Variants in KIAA0825 observed in about 807,000 individuals in gnomAD.
KIAA0825 encodes KIAA0825.
KIAA0825 carries 119 observed loss-of-function variants against 147.6 expected under a neutral mutation model. That is an observed-to-expected ratio of 0.81 (90% CI 0.69 to 0.94). The LOEUF (loss-of-function observed/expected upper bound fraction) is 0.94, where lower values mean the gene tolerates loss of function less well. KIAA0825 is among the 40% of genes least tolerant of loss of function. KIAA0825 has a pLI of 0.00. For synonymous variants in KIAA0825, 470 were observed against 518.1 expected (o/e 0.91, Z 1.26); for missense variants, 1,381 against 1,472.7 (o/e 0.94, Z 1.02).
At chr5:94,367,848 G>A (rs1463399598) in intron 20 of KIAA0825, among the ~76,000 whole-genome samples, 1 of 152,214 alleles carries the variant, frequency 6.6e-6, no homozygotes, top group Non-Finnish European at 1.5e-5. Context: ...GCATCAAAAA[G>A]TATCTGCGTA....
intron 20 of KIAA0825, among the ~76,000 whole-genome samples, chr5:94,337,575 A>G (rs1403867070): frequency 6.6e-6 from 1 of 152,182 alleles, no homozygotes; most frequent in Non-Finnish European, 1.5e-5. Context: ...TCTTTACTAT[A>G]TGGATTATAA....
chr5:94,602,988 C>G (rs956493349), intron 1 of KIAA0825, among the ~76,000 whole-genome samples: 1 of 152,054 alleles, frequency 6.6e-6, no homozygotes, highest in Non-Finnish European at 1.5e-5. Flanking sequence ...GCCATTGCGT[C>G]AGGCTAATTT....
At chr5:94,392,802 A>G (rs747063273) in intron 17 of KIAA0825, among the ~76,000 whole-genome samples, 5 of 152,240 alleles carry the variant, frequency 3.3e-5, no homozygotes, top group Non-Finnish European at 5.9e-5. Context: ...TGTATCTTCA[A>G]AACATCCTTC....
At chr5:94,185,718 TTTA>T (rs974627403) in intron 20 of KIAA0825, among the ~76,000 whole-genome samples, 9 of 152,130 alleles carry the variant, frequency 5.9e-5, no homozygotes, top group Admixed American at 2.6e-4. Context: ...CTAGTTCCAG[TTTA>T]TTATGATTCT....
At chr5:94,241,601 C>CT (rs1294637167) in intron 20 of KIAA0825, among the ~76,000 whole-genome samples, 1 of 152,176 alleles carries the variant, frequency 6.6e-6, no homozygotes, top group African/African-American at 2.4e-5. Flanking sequence ...GAATCATCAT[C>CT]TTTTTTCTTT....
At chr5:94,223,412 G>T (rs1182142106) in intron 20 of KIAA0825, among the ~76,000 whole-genome samples, 3 of 152,058 alleles carry the variant, frequency 2.0e-5, no homozygotes, top group African/African-American at 7.2e-5. Context: ...ATACCTTTTT[G>T]TCAGCTCTCA....
At chr5:94,343,531 C>A (rs1217782145) in intron 20 of KIAA0825, among the ~76,000 whole-genome samples, 1 of 151,888 alleles carries the variant, frequency 6.6e-6, no homozygotes, top group Non-Finnish European at 1.5e-5. Flanking sequence ...CTACTAAAAA[C>A]ACAAAAAATT....
chr5:94,379,698 A>G (rs1748097916), intron 20 of KIAA0825, among the ~76,000 whole-genome samples: 1 of 152,098 alleles, frequency 6.6e-6, no homozygotes, highest in Non-Finnish European at 1.5e-5. Flanking sequence ...TGGCCATTTT[A>G]ACAATATTGA....
chr5:94,428,143 T>TTTTG (rs1353501308), intron 14 of KIAA0825, among the ~76,000 whole-genome samples: 3 of 134,498 alleles, frequency 2.2e-5, no homozygotes, highest in African/African-American at 8.5e-5. Flanking sequence ...TAAGGTCTTG[T>TTTTG]TGTGTGTGTG....
At chr5:94,437,658 T>A (rs887860672) in intron 14 of KIAA0825, among the ~76,000 whole-genome samples, 2 of 152,226 alleles carry the variant, frequency 1.3e-5, no homozygotes, top group Non-Finnish European at 2.9e-5. Flanking sequence ...ACTATAATTG[T>A]ACTTCCTATA....
At chr5:94,427,556 C>T (rs974389968) in intron 14 of KIAA0825, among the ~76,000 whole-genome samples, 7 of 152,038 alleles carry the variant, frequency 4.6e-5, no homozygotes, top group African/African-American at 1.7e-4. Flanking sequence ...ATAAAAAGTA[C>T]TTTATGGTAC....
intron 1 of KIAA0825, among the ~76,000 whole-genome samples, chr5:94,590,318 A>G (rs571759866): frequency 1.3e-5 from 2 of 152,254 alleles, no homozygotes; most frequent in East Asian, 3.9e-4. Flanking sequence ...TATACCATTT[A>G]TTTGTCCTCA....
chr5:94,528,399 T>C (rs765172875), intron 3 of KIAA0825, among the ~76,000 whole-genome samples: 14 of 152,182 alleles, frequency 9.2e-5, no homozygotes, highest in Admixed American at 9.2e-4. Flanking sequence ...ACTACAAAAG[T>C]TGAGAATGGC....
At chr5:94,213,555 C>T (rs1466683120) in intron 20 of KIAA0825, among the ~76,000 whole-genome samples, 1 of 152,152 alleles carries the variant, frequency 6.6e-6, no homozygotes, top group Admixed American at 6.6e-5. Context: ...ATTCCTTGAA[C>T]AGCCCACAAA....
chr5:94,232,647 G>C (rs914503049), intron 20 of KIAA0825, among the ~76,000 whole-genome samples: 2 of 152,070 alleles, frequency 1.3e-5, no homozygotes, highest in South Asian at 2.1e-4. Context: ...AAATGAATGT[G>C]ACTTTTAGGG....
At chr5:94,490,656 GTCT>G (rs1296202512) in intron 5 of KIAA0825, among the ~76,000 whole-genome samples, 1 of 151,726 alleles carries the variant, frequency 6.6e-6, no homozygotes, top group Non-Finnish European at 1.5e-5. Context: ...TTTTAAAAAA[GTCT>G]TCTTCTCTGT....
chr5:94,244,067 G>A (rs1775485172), intron 20 of KIAA0825, among the ~76,000 whole-genome samples: 1 of 152,070 alleles, frequency 6.6e-6, no homozygotes, highest in South Asian at 2.1e-4. Flanking sequence ...TTAGCACGGG[G>A]TTCTGGTTCC....
chr5:94,242,878 C>T (rs1406037034), intron 20 of KIAA0825, among the ~76,000 whole-genome samples: 1 of 152,164 alleles, frequency 6.6e-6, no homozygotes, highest in Non-Finnish European at 1.5e-5. Flanking sequence ...GCCTTGGCCT[C>T]TCAAAGTGCT....
intron 20 of KIAA0825, among the ~76,000 whole-genome samples, chr5:94,288,582 G>A (rs926435837): frequency 2.0e-5 from 3 of 152,068 alleles, no homozygotes; most frequent in Admixed American, 6.6e-5. Flanking sequence ...ACCTATTTGG[G>A]TAGAGATTTA....
Sources: gnomAD v4.1 joint callset for allele counts (sites outside exome capture counted in the v4.1 genomes callset) on GRCh38, gnomAD v4.1.1 for gene constraint, MANE v1.5 for transcripts, NCBI Gene and HGNC (gene_info 2026-07-23, HGNC 2026-07-21) for gene names.